Variants in PTCH1 observed in about 807,000 individuals in gnomAD.
PTCH1 encodes protein patched homolog 1.
PTCH1 carries 14 observed loss-of-function variants against 144.6 expected under a neutral mutation model. The observed-to-expected ratio is 0.10, with a 90% CI of 0.06 to 0.15. The LOEUF is 0.15. PTCH1 is among the 10% of genes least tolerant of loss of function. The pLI is 1.00. For synonymous variants in PTCH1, 833 were observed against 793.6 expected, an observed-to-expected ratio of 1.05 and a Z score of -0.83; for missense variants, 1,623 against 1,948.3, an observed-to-expected ratio of 0.83 and a Z score of 3.14.
At chr9:95,513,460 T>C (rs1844240870), upstream of PTCH1, among the ~76,000 whole-genome samples, 1 of 152,080 alleles carries the variant, frequency 6.6e-6, no homozygotes. Context: ...AGAGAGGAAT[T>C]GGGGATTTGA....
chr9:95,460,115 G>A (rs543787693), intron 16 of PTCH1, among the ~76,000 whole-genome samples: 7 of 152,288 alleles, frequency 4.6e-5, no homozygotes, highest in African/African-American at 1.2e-4. Flanking sequence ...GGAGGGGAAG[G>A]GGGAGAAACC....
intron 5 of PTCH1, among the ~76,000 whole-genome samples, chr9:95,481,033 T>C (rs547887142): frequency 6.6e-6 from 1 of 152,316 alleles, no homozygotes; most frequent in Admixed American, 6.5e-5. Flanking sequence ...CCCATACTTA[T>C]GAGCGCTCTC....
chr9:95,495,077 C>G (rs1419880214), intron 2 of PTCH1: 1 of 152,292 alleles, frequency 6.6e-6, no homozygotes, highest in Admixed American at 6.5e-5. Flanking sequence ...ATCTCCTGCA[C>G]TGTTCCTTCC....
At position 95,488,938 on chromosome 9, in the gene PTCH1, T is replaced by C. The variant is rs551549301; in HGVS notation, c.395-3064A>G. Among the ~76,000 whole-genome samples, 143 of 152,300 alleles carry C rather than the reference T, an allele frequency of 9.4e-4. 3 individuals carry two copies. Among genetic ancestry groups the C allele is most frequent in the Admixed American group, 3.3e-3 (50 of 15,300 alleles). On this transcript the variant is annotated intron_variant, in intron 2 of 23. Transcript: ENST00000331920. ...CTGCAAAGCCCTCAGGTTTGGCTTG[T>C]TGCAGGGAGAGAAGGGAGGCAAGTG...
At chr9:95,489,957 G>C (rs888159395) in intron 2 of PTCH1, among the ~76,000 whole-genome samples, 2 of 151,132 alleles carry the variant, frequency 1.3e-5, no homozygotes, top group East Asian at 4.0e-4. Context: ...CCCGCCACCA[G>C]GCCTGGCTAA....
At chr9:95,464,835 A>C (rs1346569655) in intron 15 of PTCH1, among the ~76,000 whole-genome samples, 1 of 152,246 alleles carries the variant, frequency 6.6e-6, no homozygotes, top group Non-Finnish European at 1.5e-5. Flanking sequence ...AGCTGACTCA[A>C]GGATAATTGT....
chr9:95,516,322 G>A lies in PTCH1; in HGVS notation c.3+147C>T, dbSNP rs945412789. 1.4e-5 allele frequency: 6 copies of A among 439,794 alleles called. No homozygotes were observed. In the Admixed American group the frequency reaches 2.0e-4, roughly 14 times the overall value. The allele number at this position is 439,794 out of a possible 1,614,324, so 27.2% of individuals were successfully genotyped here. Reference sequence around the variant, plus strand: ...CCACCCGGCTCCACGGCCCCGGCGCGCGGCCCGCCCCTCCTGCCCGGCGCT... The same window carrying A: ...CCACCCGGCTCCACGGCCCCGGCGCACGGCCCGCCCCTCCTGCCCGGCGCT... On this transcript the variant is annotated intron_variant, in intron 1 of 22. Coordinates refer to the PTCH1 transcript ENST00000430669.
chr9:95,481,897 C>A (rs1203197060), intron 5 of PTCH1, 52 bp downstream of exon 5: 1 of 1,434,654 alleles, frequency 7.0e-7, no homozygotes, highest in Admixed American at 1.7e-5. Context: ...ACATTAGAAA[C>A]ACTGAGTCCT....
Position 95,478,080 on chromosome 9 carries a change from C to G in PTCH1, c.1322G>C (p.Arg441Pro), listed in dbSNP as rs767273237. Residue 441 changes from arginine to proline, a missense_variant, in exon 9 of 24, where the codon CGC becomes CCC. Around this residue, in one of 7 missense-constraint regions of PTCH1, gnomAD observed 230 missense variants for 271.0 expected, o/e 0.85. Transcript: ENST00000331920. ...CATGAGTAAGTAGCCGCTGGCCACG[C>G]GGATGACACTGACGTCAGAGAAGGA... ...LKSFSDVSVI[R>P]VASGYLLMLA... is the part of the protein sequence containing the mutation. 1 of 1,614,166 alleles carries G rather than the reference C, an allele frequency of 6.2e-7. No individual in the cohort carries two copies. Among genetic ancestry groups the G allele is most frequent in the South Asian group, 1.1e-5 (1 of 91,078 alleles).
chr9:95,459,917 A>G, intron 16 of PTCH1, 134 bp from the exon 17 acceptor site: 1 of 966,506 alleles, frequency 1.0e-6, no homozygotes, highest in Non-Finnish European at 1.6e-6. Flanking sequence ...GAAAGTGTCG[A>G]AAATCCCATC....
At chr9:95,510,506 T>TA (rs559822006), upstream of PTCH1, among the ~76,000 whole-genome samples, 1 of 152,064 alleles carries the variant, frequency 6.6e-6, no homozygotes, top group African/African-American at 2.4e-5. Flanking sequence ...GCTTTTTATT[T>TA]AAAAAAATTT....
chr9:95,482,468 C>T (rs1304391606), intron 3 of PTCH1: 1 of 517,860 alleles, frequency 1.9e-6, no homozygotes, highest in Non-Finnish European at 3.5e-6. Context: ...AAGTGTTCTC[C>T]CAATAATCTT....
In PTCH1 at chr9:95,476,833, C is replaced by T. The variant is rs770758782; in HGVS notation, c.1528G>A (p.Val510Ile). Residue 510 changes from valine (V) to isoleucine (I), a missense_variant, in exon 11 of 24, where the codon GTT becomes ATT. Physicochemically the swap from Val to Ile is conservative, Grantham distance 29 (BLOSUM62 3). Around this residue, in one of 7 missense-constraint regions of PTCH1, gnomAD observed 135 missense variants for 228.7 expected, o/e 0.59. Coordinates refer to ENST00000331920, the MANE Select transcript of PTCH1 (RefSeq NM_000264.5). The surrounding 1 kb of genome is among the most constrained non-coding windows in gnomAD (Gnocchi z 4.6). ...AGAAGAAAAACATCATCCACACCAA[C>T]ACCAAGAGCGAGAAATGGCAAAACC... is the stretch of plus-strand genomic sequence containing the variant. The part of the protein sequence containing the change: ...TQVLPFLALG[V>I]GVDDVFLLAH... The T allele has an allele frequency of 6.2e-7, 1 of 1,614,086 alleles. No individual in the cohort carries two copies. Among genetic ancestry groups the T allele is most frequent in the South Asian group, 1.1e-5 (1 of 91,056 alleles).
intron 5 of PTCH1, among the ~76,000 whole-genome samples, chr9:95,481,066 G>C (rs892518642): frequency 6.6e-6 from 1 of 152,172 alleles, no homozygotes; most frequent in African/African-American, 2.4e-5. Context: ...AATGGAATGG[G>C]CAAGCCCCCT....
rs1199192332 is a variant in PTCH1, at chr9:95,446,894, T to C, written c.*1+17A>G. The C allele has an allele frequency of 4.3e-6, 7 of 1,613,328 alleles. No individual in the cohort carries two copies. The highest frequency in any genetic ancestry group is 5.9e-6 in the Non-Finnish European group (7 of 1,179,980). On this transcript the variant is annotated intron_variant, in intron 23 of 23. Transcript: ENST00000331920. ...CTGGCTCTAGGTCCCTTGGCTGCCC[T>C]TGTCAGTGGCACTCACCTCAGTTGG...
Position 95,476,675 on chromosome 9 carries a change from A to G in PTCH1, c.1602+84T>C. 7.5e-7 allele frequency: 1 copy of G among 1,336,410 alleles called. No homozygotes were observed. The highest frequency in any genetic ancestry group is 1.1e-6 in the Non-Finnish European group (1 of 948,792). 82.8% of individuals were successfully genotyped at this position (1,336,410 alleles called of 1,614,324 possible). The stretch of plus-strand genomic sequence containing the variant: ...GGGACTGAAATCTTTACTGGGTCAG[A>G]CTGAGGAAAATTAAAGGACAAATAC... On this transcript the variant is annotated intron_variant, in intron 11 of 23. Coordinates refer to ENST00000331920, the MANE Select transcript of PTCH1 (RefSeq NM_000264.5). This position sits in a 1 kb window ranked among gnomAD's most constrained non-coding sequence, Gnocchi z 4.6.
chr9:95,448,485 C>A (rs1838156740), intron 22 of PTCH1, among the ~76,000 whole-genome samples: 1 of 152,174 alleles, frequency 6.6e-6, no homozygotes, highest in African/African-American at 2.4e-5. Context: ...TGGTGACCTC[C>A]TGAATCACTG....
chr9:95,494,419 C>T (rs1229287204), intron 2 of PTCH1: 2 of 985,402 alleles, frequency 2.0e-6, no homozygotes, highest in Non-Finnish European at 2.4e-6. Context: ...ACTTGCCACA[C>T]TGGCAAATGA....
chr9:95,454,594 A>G (rs28620532), intron 19 of PTCH1, among the ~76,000 whole-genome samples: 66,126 of 152,132 alleles, frequency 0.43, 16,353 homozygotes, highest in African/African-American at 0.68. Flanking sequence ...AAGGCACCAA[A>G]GGGGTTTTTC....
Sources: allele counts gnomAD v4.1 joint callset (sites outside exome capture counted in the v4.1 genomes callset), GRCh38; gene constraint gnomAD v4.1.1; regional missense constraint gnomAD v4.1.1; non-coding constraint Gnocchi (gnomAD v3.1); transcripts MANE v1.5; gene names NCBI Gene and HGNC (gene_info 2026-07-23, HGNC 2026-07-21).